Variants in NELL1 observed in about 807,000 individuals in gnomAD.
The protein encoded by NELL1 is neural EGFL like 1, also known as protein kinase C-binding protein NELL1.
A neutral mutation model predicts 107.4 loss-of-function variants in NELL1; 76 were observed. The ratio of observed to expected loss-of-function variants is 0.71; its 90% CI spans 0.59 to 0.86. NELL1 has a LOEUF of 0.86. Among genes scored for constraint, NELL1 ranks in the 40% least tolerant of loss-of-function variants. The pLI, the probability that NELL1 is intolerant of heterozygous loss-of-function variation, is 0.00. For synonymous variants in NELL1, 353 were observed against 341.2 expected, an observed-to-expected ratio of 1.03 and a Z score of -0.38; for missense variants, 1,024 against 1,005.5, an observed-to-expected ratio of 1.02 and a Z score of -0.25.
intron 13 of NELL1, among the ~76,000 whole-genome samples, chr11:21,173,885 T>G (rs1420886968): frequency 1.3e-5 from 2 of 151,636 alleles, no homozygotes; most frequent in Non-Finnish European, 2.9e-5. Flanking sequence ...TTTCTTAGAT[T>G]AGATGATACC....
chr11:21,356,127 T>C (rs1214108505), intron 14 of NELL1, among the ~76,000 whole-genome samples: 1 of 152,196 alleles, frequency 6.6e-6, no homozygotes, highest in East Asian at 1.9e-4. Context: ...TATCATCTAA[T>C]ATCCTATGTC....
chr11:21,379,415 C>T (rs1227911972), intron 15 of NELL1, among the ~76,000 whole-genome samples: 1 of 152,006 alleles, frequency 6.6e-6, no homozygotes, highest in Non-Finnish European at 1.5e-5. Context: ...AGCTTTGAAC[C>T]TCTCACAGTA....
chr11:20,877,996 T>C (rs1016865097), intron 4 of NELL1, among the ~76,000 whole-genome samples: 1 of 152,146 alleles, frequency 6.6e-6, no homozygotes, highest in African/African-American at 2.4e-5. Context: ...TGATAGCCTA[T>C]AGGAATGTGA....
Position 20,783,780 on chromosome 11 carries a change from G to T in NELL1, c.285G>T (p.Gln95His). 1 of 1,614,050 alleles carries T rather than the reference G, an allele frequency of 6.2e-7. No homozygotes were observed. Reference protein sequence around the residue: ...SEFTILATVQQKPSTSGVILS... With the variant: ...SEFTILATVQHKPSTSGVILS... The stretch of plus-strand genomic sequence containing the variant: ...TCACCATTTTGGCCACTGTACAGCA[G>T]AAGCCATCCACTTCAGGAGTGATAC... Residue 95 changes from glutamine to histidine, a missense_variant, in exon 3 of 20, where the codon CAG becomes CAT. Gln to His is a conservative substitution (Grantham distance 24). Transcript: ENST00000357134.
intron 15 of NELL1, among the ~76,000 whole-genome samples, chr11:21,525,105 G>C (rs1442495818): frequency 6.6e-6 from 1 of 152,114 alleles, no homozygotes; most frequent in Non-Finnish European, 1.5e-5. Flanking sequence ...TTAACAGATG[G>C]GTTCTTTTAG....
rs60727957 is a variant in NELL1 at position 21,049,681 on chromosome 11, CTTT to C, written c.1301-63896_1301-63894del. ...TCAGAGTGAGATATTGACTCAATAA[CTTT>C]TTTTTTTTTTTGAGATGAAGTCTCT... On this transcript the variant is annotated intron_variant, in intron 12 of 19. Transcript: ENST00000357134. 5.0e-3 allele frequency among the ~76,000 whole-genome samples: 744 copies of C among 148,700 alleles called. 5 individuals are homozygous for C. The highest frequency in any genetic ancestry group is 0.017 in the African/African-American group (705 of 41,052).
chr11:20,858,339 C>T (rs1848919878), intron 4 of NELL1, among the ~76,000 whole-genome samples: 1 of 152,128 alleles, frequency 6.6e-6, no homozygotes, highest in South Asian at 2.1e-4. Flanking sequence ...TGCAGTCCAG[C>T]CTAGTACTGA....
chr11:20,716,774 T>A (rs1041861420), intron 2 of NELL1, among the ~76,000 whole-genome samples: 2 of 152,220 alleles, frequency 1.3e-5, no homozygotes, highest in Non-Finnish European at 2.9e-5. Context: ...GTAAATAGAG[T>A]GTCTATTTCA....
chr11:21,550,228 T>C (rs1184786247), intron 16 of NELL1, among the ~76,000 whole-genome samples: 1 of 152,052 alleles, frequency 6.6e-6, no homozygotes, highest in Non-Finnish European at 1.5e-5. Context: ...TCATTGTAGA[T>C]TCTGGATATT....
At chr11:20,791,155 C>T (rs1046322613) in intron 3 of NELL1, among the ~76,000 whole-genome samples, 3 of 152,088 alleles carry the variant, frequency 2.0e-5, no homozygotes, top group African/African-American at 7.2e-5. Flanking sequence ...ATCTGTAGGT[C>T]GTCAGTCTGA....
chr11:21,287,177 C>T (rs77180738), intron 14 of NELL1, among the ~76,000 whole-genome samples: 3 of 152,154 alleles, frequency 2.0e-5, no homozygotes, highest in African/African-American at 4.8e-5. Flanking sequence ...TCTGCTGATT[C>T]ATCAAGTCTC....
intron 15 of NELL1, among the ~76,000 whole-genome samples, chr11:21,530,335 A>G (rs191918008): frequency 2.6e-5 from 4 of 152,248 alleles, no homozygotes; most frequent in African/African-American, 9.6e-5. Context: ...TGCAAATCCA[A>G]TAGGAAAGAG....
intron 3 of NELL1, 148 bp from the exon 4 acceptor site, chr11:20,847,435 C>A: frequency 2.7e-6 from 2 of 734,950 alleles, no homozygotes; most frequent in Non-Finnish European, 4.3e-6. Flanking sequence ...GGGTGTCCTA[C>A]AGTGAATTGA....
chr11:20,955,979 G>T (rs1456637070), intron 11 of NELL1, among the ~76,000 whole-genome samples: 4 of 152,122 alleles, frequency 2.6e-5, no homozygotes, highest in Non-Finnish European at 5.9e-5. Flanking sequence ...CCAGCACTTT[G>T]GGAGGCTGAG....
chr11:20,748,000 C>T (rs80320165), intron 2 of NELL1, among the ~76,000 whole-genome samples: 5,253 of 152,154 alleles, frequency 0.035, 296 homozygotes, highest in African/African-American at 0.12. Flanking sequence ...TTGCAAAGCT[C>T]CAATTACTTT....
chr11:20,768,918 AGG>A (rs35584023), intron 2 of NELL1, among the ~76,000 whole-genome samples: 1 of 152,166 alleles, frequency 6.6e-6, no homozygotes, highest in Non-Finnish European at 1.5e-5. Flanking sequence ...TTAAGCCTCT[AGG>A]GTTGCAGTAA....
chr11:20,799,593 G>A (rs1358650970), intron 3 of NELL1, among the ~76,000 whole-genome samples: 5 of 152,172 alleles, frequency 3.3e-5, no homozygotes, highest in African/African-American at 1.2e-4. Flanking sequence ...TTTGGTAGGA[G>A]TGAATTGGTA....
chr11:21,236,205 G>C (rs1023314934), intron 14 of NELL1, among the ~76,000 whole-genome samples: 3 of 152,142 alleles, frequency 2.0e-5, no homozygotes, highest in Non-Finnish European at 4.4e-5. Context: ...TTCTGAGTCA[G>C]AATAAATTGT....
chr11:21,288,041 A>AAAAGAAGGGAAGGAAGG (rs1554994470), intron 14 of NELL1, among the ~76,000 whole-genome samples: 1 of 20,358 alleles, frequency 4.9e-5, no homozygotes, highest in East Asian at 1.1e-3. Context: ...AAAGAAAGAA[A>AAAAGAAGGGAAGGAAGG]AAATAAGGGA....
Sources: allele counts gnomAD v4.1 joint callset (sites outside exome capture counted in the v4.1 genomes callset), GRCh38; gene constraint gnomAD v4.1.1; transcripts MANE v1.5; gene names NCBI Gene and HGNC (gene_info 2026-07-23, HGNC 2026-07-21).